The following UNC5D variants were observed in gnomAD, a reference collection of about 807,000 sequenced individuals.
The protein encoded by UNC5D is unc-5 netrin receptor D, also known as netrin receptor UNC5D.
A neutral mutation model predicts 105.4 loss-of-function variants in UNC5D; 39 were observed. The ratio of observed to expected loss-of-function variants is 0.37; its 90% CI spans 0.29 to 0.48. The LOEUF is 0.48. Ranked by LOEUF, UNC5D falls within the 20% of genes least tolerant of loss-of-function variation. The pLI is 0.98. For missense variants in UNC5D, 991 were observed against 1,202.4 expected (o/e 0.82, Z 2.60); for synonymous variants, 452 against 450.4 (o/e 1.00, Z -0.04).
chr8:35,703,052 A>AT (rs1827317572), intron 7 of UNC5D, among the ~76,000 whole-genome samples: 1 of 151,898 alleles, frequency 6.6e-6, no homozygotes, highest in Non-Finnish European at 1.5e-5. Context: ...TGAAGTTTTG[A>AT]TTTGCGTTGG....
intron 1 of UNC5D, among the ~76,000 whole-genome samples, chr8:35,346,320 A>G (rs1448146553): frequency 6.6e-6 from 1 of 152,046 alleles, no homozygotes; most frequent in Non-Finnish European, 1.5e-5. Flanking sequence ...AAACTGATTA[A>G]GATTCTAAAG....
chr8:35,677,029 G>T (rs1335963747), intron 4 of UNC5D, among the ~76,000 whole-genome samples: 2 of 151,674 alleles, frequency 1.3e-5, no homozygotes, highest in Non-Finnish European at 2.9e-5. Context: ...ACCACACTGT[G>T]CCTGTGTTCT....
chr8:35,248,167 T>TTG (rs1803300069), intron 1 of UNC5D, among the ~76,000 whole-genome samples: 1 of 12,094 alleles, frequency 8.3e-5, no homozygotes, highest in African/African-American at 4.1e-4. Context: ...TAAATATATA[T>TTG]TATATAATAT....
chr8:35,255,256 C>T (rs1266126471), intron 1 of UNC5D: 1 of 152,158 alleles, frequency 6.6e-6, no homozygotes, highest in African/African-American at 2.4e-5. Context: ...TGTTACACAT[C>T]TTCAATGCTT....
intron 3 of UNC5D, among the ~76,000 whole-genome samples, chr8:35,575,069 A>C (rs1190191270): frequency 6.6e-6 from 1 of 152,124 alleles, no homozygotes; most frequent in African/African-American, 2.4e-5. Context: ...CCAGCTTCAA[A>C]ATTTCATAAA....
intron 1 of UNC5D, among the ~76,000 whole-genome samples, chr8:35,442,806 A>G (rs1807493930): frequency 6.6e-6 from 1 of 151,840 alleles, no homozygotes; most frequent in Non-Finnish European, 1.5e-5. Context: ...CCCAATTCAG[A>G]CAAGTAATTA....
rs780131937 is a variant in UNC5D, at chr8:35,592,119, G to T, written c.467-3435G>T. ...TTCAGTTTTCTGCAATATTCAATAT[G>T]CTATTTACTGTCTCCATATTTATTT... On this transcript the variant is annotated intron_variant, in intron 3 of 16. Coordinates refer to ENST00000404895, the MANE Select transcript of UNC5D (RefSeq NM_080872.4). Among the ~76,000 whole-genome samples the T allele has an allele frequency of 2.0e-4, 31 of 152,104 alleles. 1 individual carries two copies. Among genetic ancestry groups the T allele is most frequent in the Middle Eastern group, 3.2e-3 (1 of 316 alleles).
In UNC5D at chr8:35,323,188, CTTTTTTTTTTTTT is replaced by C. The variant is rs67076001; in HGVS notation, c.103+87308_103+87320del. Among the ~76,000 whole-genome samples the C allele has an allele frequency of 4.0e-5, 5 of 125,944 alleles. No individual in the cohort carries two copies. The East Asian group carries it at 7.0e-4, about 18-fold the overall frequency. The allele number at this position is 125,944 out of a possible 152,430, so 82.6% of individuals were successfully genotyped here. A position where few individuals can be genotyped will look rare whatever the true frequency, so the allele number is the denominator to read the frequency against. On this transcript the variant is annotated intron_variant, in intron 1 of 16. Coordinates refer to ENST00000404895, the MANE Select transcript of UNC5D (RefSeq NM_080872.4). Reference sequence around the variant, plus strand: ...CTGTTTTTTTCTAATTTTTCTTTTTCTTTTTTTTTTTTTTTTTTTCACATGAATGGAACTCGAA... The same window carrying C: ...CTGTTTTTTTCTAATTTTTCTTTTTCTTTTTTCACATGAATGGAACTCGAA...
At chr8:35,678,273 A>C (rs920945240) in intron 4 of UNC5D, among the ~76,000 whole-genome samples, 1 of 152,256 alleles carries the variant, frequency 6.6e-6, no homozygotes. Flanking sequence ...AGGGTCCCTC[A>C]CATCTGCAGT....
chr8:35,730,510 A>C (rs1829127245), intron 10 of UNC5D, among the ~76,000 whole-genome samples: 1 of 152,150 alleles, frequency 6.6e-6, no homozygotes, highest in Non-Finnish European at 1.5e-5. Context: ...CCCACTGAGT[A>C]CCACCTTCAA....
intron 4 of UNC5D, among the ~76,000 whole-genome samples, chr8:35,617,186 G>T (rs1821082441): frequency 6.6e-6 from 1 of 152,182 alleles, no homozygotes; most frequent in Admixed American, 6.5e-5. Context: ...CACAGCTTCT[G>T]CTGGTGATCC....
At chr8:35,622,679 T>A (rs1452063701) in intron 4 of UNC5D, among the ~76,000 whole-genome samples, 1 of 152,170 alleles carries the variant, frequency 6.6e-6, no homozygotes, top group Non-Finnish European at 1.5e-5. Flanking sequence ...CTAATAAGAC[T>A]TTTTTTATGT....
intron 3 of UNC5D, among the ~76,000 whole-genome samples, chr8:35,593,979 CAG>C (rs1819337480): frequency 6.6e-6 from 1 of 152,154 alleles, no homozygotes; most frequent in Non-Finnish European, 1.5e-5. Flanking sequence ...GGTTTATTCA[CAG>C]AACCTTCACA....
rs149732433 is a variant in UNC5D, at chr8:35,705,429, G to A, written c.1085-500G>A. Among the ~76,000 whole-genome samples the A allele has an allele frequency of 1.6e-3, 249 of 152,320 alleles. 3 individuals carry two copies. Among genetic ancestry groups the A allele is most frequent in the African/African-American group, 5.8e-3 (240 of 41,564 alleles). On this transcript the variant is annotated intron_variant, in intron 7 of 16. Coordinates refer to ENST00000404895, the MANE Select transcript of UNC5D (RefSeq NM_080872.4). ...TAAAAACAAAACTAACGTGTTCACCGTGCCACACCCATACCTGACAAGAAT... is the reference window on the plus strand; with the variant it reads ...TAAAAACAAAACTAACGTGTTCACCATGCCACACCCATACCTGACAAGAAT...
chr8:35,580,549 G>GA (rs34511059), intron 3 of UNC5D, among the ~76,000 whole-genome samples: 15,749 of 148,442 alleles, frequency 0.11, 868 homozygotes, highest in African/African-American at 0.14. Context: ...AAGACTGAAA[G>GA]AAAAAAAAAA....
rs554324051 is a variant in UNC5D, at chr8:35,484,167, C to T, written c.104-65125C>T. 2.0e-5 allele frequency among the ~76,000 whole-genome samples: 3 copies of T among 152,044 alleles called. No individual in the cohort carries two copies. In the East Asian group the frequency reaches 5.8e-4, roughly 29 times the overall value. ...CAATGCCAAGCTCCTTGTCCAAAGCCCATTAAGGGGGAAGAAGCAAAGAAA... is the reference window on the plus strand; with the variant it reads ...CAATGCCAAGCTCCTTGTCCAAAGCTCATTAAGGGGGAAGAAGCAAAGAAA... On this transcript the variant is annotated intron_variant, in intron 1 of 16. Transcript: ENST00000404895.
At chr8:35,695,330 C>T (rs1235684211) in intron 7 of UNC5D, among the ~76,000 whole-genome samples, 3 of 152,128 alleles carry the variant, frequency 2.0e-5, no homozygotes, top group African/African-American at 4.8e-5. Flanking sequence ...GGTCCCAACA[C>T]GTTCTAAAAT....
At chr8:35,779,986 T>C (rs1802428556) in intron 16 of UNC5D, among the ~76,000 whole-genome samples, 1 of 152,162 alleles carries the variant, frequency 6.6e-6, no homozygotes, top group African/African-American at 2.4e-5. Context: ...CACAGCCAGC[T>C]TGACCAAGTT....
rs1813820092 is a variant in UNC5D at position 35,525,694 on chromosome 8, G to A, written c.104-23598G>A. The A allele has an allele frequency of 2.5e-5, 40 of 1,603,848 alleles. 1 individual carries two copies. The highest frequency in any genetic ancestry group is 1.7e-4 in the South Asian group (15 of 89,630). On this transcript the variant is annotated intron_variant, in intron 1 of 16. Coordinates refer to ENST00000404895, the MANE Select transcript of UNC5D (RefSeq NM_080872.4). ...AAGGCTACCACCTCGCCCTGCAGCC[G>A]CTGCTCCTGGCACGTCCGGCACGAC...
Sources: gnomAD v4.1 joint callset for allele counts (sites outside exome capture counted in the v4.1 genomes callset) on GRCh38, gnomAD v4.1.1 for gene constraint, MANE v1.5 for transcripts, NCBI Gene and HGNC (gene_info 2026-07-23, HGNC 2026-07-21) for gene names.